FERMT2: variants seen among roughly 807,000 people sequenced by gnomAD.
FERMT2 encodes the protein FERM domain containing kindlin 2.
In FERMT2, 15 loss-of-function variants were observed where a neutral mutation model predicts 82.7. That is an observed-to-expected ratio of 0.18 (90% CI 0.12 to 0.28). FERMT2 has a LOEUF of 0.28. Ranked by LOEUF, FERMT2 falls within the 10% of genes least tolerant of loss-of-function variation. The probability of loss-of-function intolerance (pLI) is 1.00; values close to 1 mark genes in which losing one functional copy is unlikely to be tolerated. For missense variants in FERMT2, 645 were observed against 809.4 expected (o/e 0.80, Z 2.46); for synonymous variants, 274 against 271.5 (o/e 1.01, Z -0.09).
chr14:52,889,576 A>G (rs1181000550), intron 4 of FERMT2, among the ~76,000 whole-genome samples: 1 of 152,206 alleles, frequency 6.6e-6, no homozygotes, highest in African/African-American at 2.4e-5. Context: ...ACAGTCATGC[A>G]CCTACTAACA....
chr14:52,890,551 T>TA (rs1200668950), intron 4 of FERMT2, among the ~76,000 whole-genome samples: 1 of 151,846 alleles, frequency 6.6e-6, no homozygotes, highest in Non-Finnish European at 1.5e-5. Context: ...ATGCAGCACA[T>TA]GACTATATAT....
chr14:52,938,382 T>C (rs1889944925), intron 2 of FERMT2, among the ~76,000 whole-genome samples: 1 of 152,228 alleles, frequency 6.6e-6, no homozygotes, highest in Non-Finnish European at 1.5e-5. Flanking sequence ...AGTATAGTCA[T>C]TCTACTAATT....
intron 2 of FERMT2, among the ~76,000 whole-genome samples, chr14:52,923,859 C>T (rs1392776072): frequency 6.6e-6 from 1 of 152,120 alleles, no homozygotes; most frequent in Admixed American, 6.6e-5. Context: ...GTCAATACCA[C>T]TCATGGCAAA....
chr14:52,917,858 T>C (rs1424206266), intron 3 of FERMT2, among the ~76,000 whole-genome samples: 2 of 152,216 alleles, frequency 1.3e-5, no homozygotes, highest in African/African-American at 2.4e-5. Flanking sequence ...GGCAGGGCTC[T>C]GGGTTAAGAG....
In FERMT2 at chr14:52,858,195, A is replaced by G. The variant is rs1462850175; in HGVS notation, c.*182T>C. On this transcript the variant is annotated 3_prime_UTR_variant, in exon 15 of 15. Transcript: ENST00000341590. ...GTGACAAATTCAAGTTTATTATATC[A>G]TAACATGATAGATTAATAGTCGTGC... 6 of 546,440 alleles carry G rather than the reference A, an allele frequency of 1.1e-5. No individual in the cohort carries two copies. Among genetic ancestry groups the G allele is most frequent in the Admixed American group, 3.1e-5 (1 of 31,998 alleles). The allele number at this position is 546,440 out of a possible 1,614,324, so 33.8% of individuals were successfully genotyped here.
chr14:52,866,284 A>G (rs997708350), intron 10 of FERMT2, among the ~76,000 whole-genome samples: 1 of 152,144 alleles, frequency 6.6e-6, no homozygotes, highest in Non-Finnish European at 1.5e-5. Context: ...CAGTTACCCA[A>G]TTAGTGTACA....
chr14:52,928,087 G>C (rs1195280146), intron 2 of FERMT2: 1 of 305,714 alleles, frequency 3.3e-6, no homozygotes, highest in South Asian at 2.6e-5. Context: ...ATGAAGAGGA[G>C]GTTAAAATAT....
intron 10 of FERMT2, among the ~76,000 whole-genome samples, chr14:52,869,720 C>T (rs1474411268): frequency 6.6e-6 from 1 of 152,154 alleles, no homozygotes; most frequent in African/African-American, 2.4e-5. Context: ...TTACAAAGTA[C>T]TTCTACTTAA....
At chr14:52,938,957 G>A (rs1158313366) in intron 2 of FERMT2, among the ~76,000 whole-genome samples, 1 of 152,110 alleles carries the variant, frequency 6.6e-6, no homozygotes, top group Non-Finnish European at 1.5e-5. Context: ...TCTGCTTCTA[G>A]ATGATCTTCA....
intron 2 of FERMT2, among the ~76,000 whole-genome samples, chr14:52,949,995 T>C (rs994714996): frequency 3.3e-5 from 5 of 152,198 alleles, no homozygotes; most frequent in Admixed American, 3.3e-4. Flanking sequence ...GGATTTTGCA[T>C]CATTCTCTAT....
At chr14:52,875,384 T>C in intron 7 of FERMT2, 27 bp from the exon 8 acceptor site, 1 of 1,501,284 alleles carries the variant, frequency 6.7e-7, no homozygotes, top group Non-Finnish European at 9.2e-7. Context: ...TTTATTAAAA[T>C]AATTGCTATA....
rs371607893 is a variant in FERMT2 at position 52,942,488 on chromosome 14, G to A, written c.157+7924C>T. Among the ~76,000 whole-genome samples, 6 of 152,030 alleles carry A rather than the reference G, an allele frequency of 3.9e-5. No individual in the cohort carries two copies. The East Asian group carries it at 5.8e-4, about 15-fold the overall frequency. ...CAGCTAATTTTTTGTATTTTCAGTA[G>A]AGACGGGGTTTCATCGTGTTAGCCA... On this transcript the variant is annotated intron_variant, in intron 2 of 14. Transcript: ENST00000341590.
Position 52,932,895 on chromosome 14 carries a change from AAT to A in FERMT2, c.158-13541_158-13540del, listed in dbSNP as rs145193436. Among the ~76,000 whole-genome samples the A allele has an allele frequency of 9.3e-3, 1,411 of 152,344 alleles. 21 individuals carry two copies. Among genetic ancestry groups the A allele is most frequent in the African/African-American group, 0.032 (1,327 of 41,574 alleles). Reference sequence around the variant, plus strand: ...TCCAGGACCTAACTGAAGTTTTTATAATATGAGTTTCCACAACCATGAAAAAC... The same window carrying A: ...TCCAGGACCTAACTGAAGTTTTTATAATGAGTTTCCACAACCATGAAAAAC... On this transcript the variant is annotated intron_variant, in intron 2 of 14. Transcript: ENST00000341590.
rs773089300 is a variant in FERMT2, at chr14:52,858,348, C to A, written c.*29G>T. ...TTTTAAAGTTAAATATTGTTATGGC[C>A]GTGGAGTTTCATTAAACAGTATTCC... is the stretch of plus-strand genomic sequence containing the variant. On this transcript the variant is annotated 3_prime_UTR_variant, in exon 15 of 15. Coordinates refer to ENST00000341590, the MANE Select transcript of FERMT2 (RefSeq NM_006832.3). 3.1e-5 allele frequency: 49 copies of A among 1,575,240 alleles called. No individual in the cohort carries two copies. The Admixed American group carries it at 4.2e-4, about 13-fold the overall frequency.
At chr14:52,893,530 T>C (rs1887076487) in intron 3 of FERMT2, 103 bp from the exon 4 acceptor site, 4 of 861,866 alleles carry the variant, frequency 4.6e-6, no homozygotes, top group Non-Finnish European at 7.1e-6. Context: ...CTTCCTTCTG[T>C]ATGTCTGAGT....
chr14:52,894,312 A>C (rs1887129954), intron 3 of FERMT2, among the ~76,000 whole-genome samples: 1 of 152,198 alleles, frequency 6.6e-6, no homozygotes, highest in Non-Finnish European at 1.5e-5. Flanking sequence ...GATGTTCACA[A>C]ATTTCAAGAC....
chr14:52,902,040 TAATG>T (rs1225945432), intron 3 of FERMT2, among the ~76,000 whole-genome samples: 2 of 151,628 alleles, frequency 1.3e-5, no homozygotes, highest in East Asian at 3.9e-4. Flanking sequence ...ACAACGTGCT[TAATG>T]AAGAGGCTGA....
chr14:52,888,904 TA>T (rs2139526773), intron 4 of FERMT2, among the ~76,000 whole-genome samples: 1 of 152,322 alleles, frequency 6.6e-6, no homozygotes, highest in African/African-American at 2.4e-5. Flanking sequence ...AAAAATTAAG[TA>T]AAAGCTAGGT....
chr14:52,871,068 C>T (rs988776581), intron 10 of FERMT2, among the ~76,000 whole-genome samples: 10 of 152,162 alleles, frequency 6.6e-5, no homozygotes, highest in Non-Finnish European at 1.2e-4. Flanking sequence ...GGTGGCGCAA[C>T]CTTTGCTATA....
Sources: allele counts gnomAD v4.1 joint callset (sites outside exome capture counted in the v4.1 genomes callset), GRCh38; gene constraint gnomAD v4.1.1; transcripts MANE v1.5; gene names NCBI Gene and HGNC (gene_info 2026-07-23, HGNC 2026-07-21).